The following TRPC1 variants were observed in gnomAD, a reference collection of about 807,000 sequenced individuals.
The protein encoded by TRPC1 is short transient receptor potential channel 1.
Under a neutral mutation model 88.2 loss-of-function variants are expected in TRPC1, and 42 were observed. The ratio of observed to expected loss-of-function variants is 0.48; its 90% CI spans 0.37 to 0.62. The LOEUF is 0.62. Ranked by LOEUF, TRPC1 falls within the 20% of genes least tolerant of loss-of-function variation. The probability of loss-of-function intolerance (pLI) is 0.00; values close to 1 mark genes in which losing one functional copy is unlikely to be tolerated. For synonymous variants in TRPC1, 288 were observed against 331.8 expected (o/e 0.87, Z 1.43); for missense variants, 699 against 957.3 (o/e 0.73, Z 3.56).
intron 4 of TRPC1, among the ~76,000 whole-genome samples, chr3:142,751,908 C>T (rs1182637380): frequency 6.6e-6 from 1 of 152,146 alleles, no homozygotes; most frequent in African/African-American, 2.4e-5. Flanking sequence ...ATCTGTGTTT[C>T]TCTTTGATAA....
intron 4 of TRPC1, among the ~76,000 whole-genome samples, chr3:142,771,205 G>A (rs1292179711): frequency 6.6e-6 from 1 of 152,178 alleles, no homozygotes; most frequent in Non-Finnish European, 1.5e-5. Context: ...GAGGTTTGGA[G>A]GGAACAAATT....
At chr3:142,726,616 A>G (rs1933681171) in intron 1 of TRPC1, among the ~76,000 whole-genome samples, 1 of 152,234 alleles carries the variant, frequency 6.6e-6, no homozygotes, top group Non-Finnish European at 1.5e-5. Flanking sequence ...ATTTGGAAAA[A>G]TAGCATAATT....
At chr3:142,797,083 T>C (rs774564981) in intron 9 of TRPC1, among the ~76,000 whole-genome samples, 3 of 150,590 alleles carry the variant, frequency 2.0e-5, no homozygotes, top group Admixed American at 6.6e-5. Flanking sequence ...TAAGAAGTCC[T>C]TACAAAAGCA....
rs531956832 is a variant in TRPC1, at chr3:142,798,508, A to G, written c.1582-3661A>G. 7.4e-4 allele frequency among the ~76,000 whole-genome samples: 113 copies of G among 152,318 alleles called. 2 individuals are homozygous for G. The South Asian group carries it at 0.023, about 31-fold the overall frequency. On this transcript the variant is annotated intron_variant, in intron 9 of 12. Transcript: ENST00000476941. ...GGCTCCTTAGAGGAGGTGGCATTTG[A>G]TCTGAGCCTTGAAAGGATGAGAAGC...
At chr3:142,802,380 G>GT (rs756098783) in intron 10 of TRPC1, 36 bp downstream of exon 10, 10 of 1,269,370 alleles carry the variant, frequency 7.9e-6, no homozygotes, top group Admixed American at 3.4e-5. Flanking sequence ...AAATATATTT[G>GT]TCTTTTTTTT....
In TRPC1 at chr3:142,767,604, A is replaced by G. The variant is rs1409422213; in HGVS notation, c.633-10028A>G. On this transcript the variant is annotated intron_variant, in intron 4 of 12. Transcript: ENST00000476941. This position sits in a 1 kb window ranked among gnomAD's most constrained non-coding sequence, Gnocchi z 5.1. Reference sequence around the variant, plus strand: ...TAAATATATTATATATAAATAAATTATATATCTTTATATATCATATCATTT... The same window carrying G: ...TAAATATATTATATATAAATAAATTGTATATCTTTATATATCATATCATTT... 1.3e-5 allele frequency among the ~76,000 whole-genome samples: 2 copies of G among 148,270 alleles called. No homozygotes were observed. The highest frequency in any genetic ancestry group is 2.4e-5 in the African/African-American group (1 of 40,870).
Position 142,765,421 on chromosome 3 carries a change from A to G in TRPC1, c.633-12211A>G, listed in dbSNP as rs1343271845. ...TCATCACATTACCTGACTTCAAACTATACCACAAGGCTACTGTAACCAAAA... is the reference window on the plus strand; with the variant it reads ...TCATCACATTACCTGACTTCAAACTGTACCACAAGGCTACTGTAACCAAAA... On this transcript the variant is annotated intron_variant, in intron 4 of 12. Coordinates refer to ENST00000476941, the MANE Select transcript of TRPC1 (RefSeq NM_001251845.2). 2.0e-5 allele frequency among the ~76,000 whole-genome samples: 3 copies of G among 152,210 alleles called. No homozygotes were observed. In the East Asian group the frequency reaches 5.8e-4, roughly 29 times the overall value.
At chr3:142,805,722 G>A (rs149717767) in intron 12 of TRPC1, among the ~76,000 whole-genome samples, 297 of 152,188 alleles carry the variant, frequency 2.0e-3, no homozygotes, top group African/African-American at 6.6e-3. Context: ...GTCAGGATAT[G>A]GACCATATTT....
chr3:142,779,678 C>T (rs539573648), intron 5 of TRPC1, among the ~76,000 whole-genome samples: 2 of 152,094 alleles, frequency 1.3e-5, no homozygotes, highest in East Asian at 3.9e-4. Context: ...CTGGAAAGCC[C>T]CATTATATAG....
intron 12 of TRPC1, among the ~76,000 whole-genome samples, chr3:142,805,137 C>T (rs1203066696): frequency 2.5e-4 from 30 of 120,326 alleles, no homozygotes; most frequent in East Asian, 2.0e-3. Context: ...TATACACACA[C>T]ACACACACAC....
chr3:142,781,404 T>C (rs1199554144), intron 6 of TRPC1, among the ~76,000 whole-genome samples: 4 of 152,136 alleles, frequency 2.6e-5, no homozygotes, highest in Non-Finnish European at 4.4e-5. Context: ...CCATCTTGTG[T>C]TTTGTCTGTC....
At chr3:142,771,011 A>T (rs539679231) in intron 4 of TRPC1, among the ~76,000 whole-genome samples, 37 of 152,324 alleles carry the variant, frequency 2.4e-4, no homozygotes, top group African/African-American at 8.2e-4. Flanking sequence ...AGGGAAAAAG[A>T]GCAAGAGAGA....
chr3:142,806,127 G>T lies in TRPC1; in HGVS notation c.2274G>T (p.Val758=). The T allele has an allele frequency of 6.2e-7, 1 of 1,613,806 alleles. No homozygotes were observed. The highest frequency in any genetic ancestry group is 8.5e-7 in the Non-Finnish European group (1 of 1,179,854). ...TGCAAAGTACAGATCAGGCAACTGT[G>T]GAAAATCTAAACGAACTGCGCCAAG... is the stretch of plus-strand genomic sequence containing the variant. ...QKMQSTDQAT[V]ENLNELRQDL... Residue 758 remains valine (V), a synonymous_variant, in exon 13 of 13, where the codon GTG becomes GTT. Coordinates refer to ENST00000476941, the MANE Select transcript of TRPC1 (RefSeq NM_001251845.2).
At chr3:142,747,190 A>AG (rs1340993575) in intron 3 of TRPC1, among the ~76,000 whole-genome samples, 4 of 152,150 alleles carry the variant, frequency 2.6e-5, no homozygotes, top group African/African-American at 7.2e-5. Context: ...TGTCCTTAAA[A>AG]GGGGGGTGTA....
chr3:142,785,163 T>C, intron 7 of TRPC1, 123 bp downstream of exon 7: 1 of 777,396 alleles, frequency 1.3e-6, no homozygotes. Context: ...CACAAGAATT[T>C]GAACACTTCC....
chr3:142,763,981 TATACACATACATACATAC>T lies in TRPC1; in HGVS notation c.633-13647_633-13630del, dbSNP rs1229028647. The stretch of plus-strand genomic sequence containing the variant: ...AGAAATATATATATATATATATATA[TATACACATACATACATAC>T]ATATATATATATATATAACAAATTA... On this transcript the variant is annotated intron_variant, in intron 4 of 12. Coordinates refer to ENST00000476941, the MANE Select transcript of TRPC1 (RefSeq NM_001251845.2). Among the ~76,000 whole-genome samples, 239 of 62,614 alleles carry T rather than the reference TATACACATACATACATAC, an allele frequency of 3.8e-3. 10 individuals carry two copies. Among genetic ancestry groups the T allele is most frequent in the African/African-American group, 0.033 (206 of 6,258 alleles). The allele number at this position is 62,614 out of a possible 152,430, so 41.1% of individuals were successfully genotyped here. A position where few individuals can be genotyped will look rare whatever the true frequency, so the allele number is the denominator to read the frequency against.
intron 9 of TRPC1, among the ~76,000 whole-genome samples, chr3:142,799,391 T>C (rs1219351563): frequency 1.3e-5 from 2 of 152,232 alleles, no homozygotes; most frequent in Non-Finnish European, 2.9e-5. Context: ...ATAAATTTAC[T>C]GTTTTTAATA....
intron 4 of TRPC1, among the ~76,000 whole-genome samples, chr3:142,750,600 A>G (rs1289649949): frequency 6.6e-6 from 1 of 152,262 alleles, no homozygotes; most frequent in Non-Finnish European, 1.5e-5. Context: ...ATTTTACTAT[A>G]AAGACACATG....
At chr3:142,749,020 A>C (rs1050722091) in intron 4 of TRPC1, among the ~76,000 whole-genome samples, 1 of 152,214 alleles carries the variant, frequency 6.6e-6, no homozygotes, top group Admixed American at 6.5e-5. Flanking sequence ...TATAAGATAC[A>C]TGGTGCTGGA....
Sources: gnomAD v4.1 joint callset for allele counts (sites outside exome capture counted in the v4.1 genomes callset) on GRCh38, gnomAD v4.1.1 for gene constraint, Gnocchi (gnomAD v3.1) non-coding constraint, MANE v1.5 for transcripts, NCBI Gene and HGNC (gene_info 2026-07-23, HGNC 2026-07-21) for gene names.